The following STK10 variants were observed in gnomAD, a reference collection of about 807,000 sequenced individuals.
STK10 encodes serine/threonine kinase 10.
Under a neutral mutation model 113.8 loss-of-function variants are expected in STK10, and 78 were observed. That is an observed-to-expected ratio of 0.69 (90% CI 0.57 to 0.83). STK10 has a LOEUF of 0.83. Ranked by LOEUF, STK10 falls within the 40% of genes least tolerant of loss-of-function variation. The probability of loss-of-function intolerance (pLI) is 0.00; values close to 1 mark genes in which losing one functional copy is unlikely to be tolerated. For synonymous variants in STK10, 465 were observed against 494.7 expected (o/e 0.94, Z 0.80); for missense variants, 1,109 against 1,280.1 (o/e 0.87, Z 2.04).
intron 12 of STK10, among the ~76,000 whole-genome samples, chr5:172,071,848 T>A (rs1768189156): frequency 6.6e-6 from 1 of 152,216 alleles, no homozygotes; most frequent in Non-Finnish European, 1.5e-5. Flanking sequence ...AATAAATCAC[T>A]CTATGCTGCA....
intron 2 of STK10, among the ~76,000 whole-genome samples, chr5:172,147,004 C>T (rs1770101155): frequency 6.6e-6 from 1 of 152,208 alleles, no homozygotes; most frequent in Admixed American, 6.5e-5. Context: ...GGCCTCTGGA[C>T]CTTCTGAGAT....
intron 2 of STK10, among the ~76,000 whole-genome samples, chr5:172,144,699 A>G (rs1271720223): frequency 6.6e-6 from 1 of 152,146 alleles, no homozygotes; most frequent in African/African-American, 2.4e-5. Context: ...ACTGCCCTTG[A>G]GCAGGGTGAA....
chr5:172,075,399 A>G (rs961843123), intron 12 of STK10, among the ~76,000 whole-genome samples: 7 of 152,086 alleles, frequency 4.6e-5, no homozygotes, highest in African/African-American at 1.7e-4. Context: ...TATGGGTGCC[A>G]GGCGCGGTGG....
intron 10 of STK10, among the ~76,000 whole-genome samples, chr5:172,083,925 G>GAAAAAA (rs58326550): frequency 3.5e-5 from 3 of 85,754 alleles, no homozygotes; most frequent in Admixed American, 1.5e-4. Context: ...ACAAAAAAAA[G>GAAAAAA]AAAAAAAAAA....
At chr5:172,112,582 G>A (rs537588048) in intron 4 of STK10, among the ~76,000 whole-genome samples, 390 of 146,076 alleles carry the variant, frequency 2.7e-3, no homozygotes, top group Non-Finnish European at 4.4e-3. Context: ...CACCATGCCC[G>A]GCTAATTTTT....
chr5:172,077,857 C>G (rs1768345662), intron 12 of STK10, among the ~76,000 whole-genome samples: 1 of 151,968 alleles, frequency 6.6e-6, no homozygotes, highest in Non-Finnish European at 1.5e-5. Context: ...CTTCCTTGCT[C>G]TGGGCTGGTT....
Position 172,091,140 on chromosome 5 carries a change from T to C in STK10, c.1555-778A>G, listed in dbSNP as rs866516966. 2.0e-5 allele frequency among the ~76,000 whole-genome samples: 3 copies of C among 152,184 alleles called. No individual in the cohort carries two copies. In the South Asian group the frequency reaches 6.2e-4, roughly 32 times the overall value. ...AACACATGGCAGGCACACAGAGCAG[T>C]GCCCACTCCCGGCCTGTGTTCCATG... On this transcript the variant is annotated intron_variant, in intron 9 of 18. Transcript: ENST00000176763.
chr5:172,132,871 G>C (rs1376282894), intron 2 of STK10, among the ~76,000 whole-genome samples: 2 of 152,180 alleles, frequency 1.3e-5, no homozygotes, highest in African/African-American at 4.8e-5. Flanking sequence ...CCAGCTGAGG[G>C]AGATATAGAA....
chr5:172,169,024 G>A (rs1050702040), intron 1 of STK10, among the ~76,000 whole-genome samples: 7 of 151,790 alleles, frequency 4.6e-5, no homozygotes, highest in South Asian at 2.1e-4. Context: ...ACTCAGCCCC[G>A]TGCCTGCTGC....
chr5:172,102,053 T>C (rs957278318), intron 7 of STK10, among the ~76,000 whole-genome samples: 1 of 151,958 alleles, frequency 6.6e-6, no homozygotes, highest in African/African-American at 2.4e-5. Context: ...TGGGGAGCTT[T>C]GGCCCGGGGA....
Position 172,064,540 on chromosome 5 carries a change from C to T in STK10, c.2082+180G>A, listed in dbSNP as rs1335168804. The stretch of plus-strand genomic sequence containing the variant: ...AGCTTACTTCCAGATGGAGGCAGGG[C>T]AATCGAGGAAGGCTGCATGGAGGAG... On this transcript the variant is annotated intron_variant, in intron 13 of 18. Coordinates refer to ENST00000176763, the MANE Select transcript of STK10 (RefSeq NM_005990.4). 9.5e-6 allele frequency: 6 copies of T among 631,830 alleles called. 1 individual carries two copies. Among genetic ancestry groups the T allele is most frequent in the South Asian group, 1.9e-5 (1 of 53,480 alleles). The allele number at this position is 631,830 out of a possible 1,614,324, so 39.1% of individuals were successfully genotyped here. A position where few individuals can be genotyped will look rare whatever the true frequency, so the allele number is the denominator to read the frequency against.
At chr5:172,153,686 G>A (rs1462906758) in intron 2 of STK10, among the ~76,000 whole-genome samples, 2 of 152,216 alleles carry the variant, frequency 1.3e-5, no homozygotes, top group Non-Finnish European at 2.9e-5. Context: ...GGAAAAGTGG[G>A]CTCCTAAAGC....
intron 15 of STK10, chr5:172,056,993 A>AGAG (rs1304849740): frequency 3.8e-5 from 2 of 51,976 alleles, no homozygotes; most frequent in African/African-American, 1.5e-4. Flanking sequence ...GAAAGAAAGA[A>AGAG]AGAGAAAGAA....
At chr5:172,095,657 G>C (rs539558647) in intron 8 of STK10, among the ~76,000 whole-genome samples, 5 of 152,362 alleles carry the variant, frequency 3.3e-5, no homozygotes, top group African/African-American at 1.2e-4. Flanking sequence ...GTGAGGGTCT[G>C]CGCCAGCCTC....
chr5:172,052,675 G>A (rs1383411222), intron 18 of STK10, among the ~76,000 whole-genome samples: 1 of 152,226 alleles, frequency 6.6e-6, no homozygotes, highest in African/African-American at 2.4e-5. Context: ...CGTCCTCTGT[G>A]GACACATGGC....
chr5:172,129,205 CAG>C (rs750709482), intron 2 of STK10, among the ~76,000 whole-genome samples: 135 of 152,304 alleles, frequency 8.9e-4, no homozygotes, highest in Non-Finnish European at 1.6e-3. Context: ...GCAGATAAAA[CAG>C]GGGACTTTAA....
chr5:172,161,856 T>A (rs1770477618), intron 1 of STK10, among the ~76,000 whole-genome samples: 1 of 152,132 alleles, frequency 6.6e-6, no homozygotes, highest in African/African-American at 2.4e-5. Flanking sequence ...ACACTCTTGG[T>A]GGCCACATTC....
intron 3 of STK10, among the ~76,000 whole-genome samples, chr5:172,118,752 G>A (rs998854026): frequency 6.6e-6 from 1 of 151,878 alleles, no homozygotes; most frequent in South Asian, 2.1e-4. Flanking sequence ...GGTGGTGCAC[G>A]CATGTGATCA....
chr5:172,059,593 T>C (rs952269355), intron 14 of STK10, among the ~76,000 whole-genome samples: 1 of 152,140 alleles, frequency 6.6e-6, no homozygotes, highest in African/African-American at 2.4e-5. Context: ...CGTTGCCCTT[T>C]GCAGTTCTCT....
Sources: allele counts gnomAD v4.1 joint callset (sites outside exome capture counted in the v4.1 genomes callset), GRCh38; gene constraint gnomAD v4.1.1; transcripts MANE v1.5; gene names NCBI Gene and HGNC (gene_info 2026-07-23, HGNC 2026-07-21).